Variants in FER observed in about 807,000 individuals in gnomAD.
FER encodes the protein tyrosine-protein kinase Fer.
In FER, 63 loss-of-function variants were observed where a neutral mutation model predicts 111.0. That is an observed-to-expected ratio of 0.57 (90% CI 0.46 to 0.70). The LOEUF is 0.70. Ranked by LOEUF, FER falls within the 30% of genes least tolerant of loss-of-function variation. The pLI is 0.00. For synonymous variants in FER, 327 were observed against 313.9 expected (o/e 1.04, Z -0.44); for missense variants, 914 against 954.0 (o/e 0.96, Z 0.55).
intron 2 of FER, among the ~76,000 whole-genome samples, chr5:108,787,748 G>T (rs1418076862): frequency 6.6e-6 from 1 of 152,208 alleles, no homozygotes. Flanking sequence ...GGGACAACCT[G>T]CCTGTGGAAA....
At chr5:108,906,291 CT>C (rs1299759759) in intron 10 of FER, among the ~76,000 whole-genome samples, 3 of 152,024 alleles carry the variant, frequency 2.0e-5, no homozygotes, top group African/African-American at 4.8e-5. Flanking sequence ...TTTTGCTGGT[CT>C]TTTTTTCCCT....
chr5:108,970,278 C>T (rs1760461965), intron 13 of FER, among the ~76,000 whole-genome samples: 2 of 151,638 alleles, frequency 1.3e-5, no homozygotes, highest in Admixed American at 6.6e-5. Context: ...TGCAGTGGCG[C>T]AATCTTGGCT....
chr5:109,026,688 T>C (rs1472231038), intron 13 of FER, among the ~76,000 whole-genome samples: 2 of 152,110 alleles, frequency 1.3e-5, no homozygotes, highest in South Asian at 2.1e-4. Flanking sequence ...TTTTGTTAAT[T>C]ATTCTTTCTT....
chr5:109,181,223 C>T (rs986649238), intron 18 of FER, among the ~76,000 whole-genome samples: 1 of 152,020 alleles, frequency 6.6e-6, no homozygotes, highest in African/African-American at 2.4e-5. Context: ...CCATTTCTTT[C>T]GAATGTCTTA....
intron 5 of FER, among the ~76,000 whole-genome samples, chr5:108,847,479 T>A (rs1762135672): frequency 6.6e-6 from 1 of 152,190 alleles, no homozygotes; most frequent in South Asian, 2.1e-4. Flanking sequence ...ATGTGTATTA[T>A]GCTATTGTTC....
At chr5:108,867,656 A>T in intron 5 of FER, 111 bp from the exon 6 acceptor site, 3 of 1,119,524 alleles carry the variant, frequency 2.7e-6, no homozygotes, top group Non-Finnish European at 3.8e-6. Flanking sequence ...TTTTTTGTTT[A>T]AAAAATGCGT....
rs924578009 is a variant in FER at position 108,838,030 on chromosome 5, C to T, written c.481+2223C>T. Among the ~76,000 whole-genome samples, 4 of 152,230 alleles carry T rather than the reference C, an allele frequency of 2.6e-5. No individual in the cohort carries two copies. In the East Asian group the frequency reaches 5.8e-4, roughly 22 times the overall value. On this transcript the variant is annotated intron_variant, in intron 5 of 19. Coordinates refer to ENST00000281092, the MANE Select transcript of FER (RefSeq NM_005246.4). The stretch of plus-strand genomic sequence containing the variant: ...TAAGTACTTTTATATATCCACTTCA[C>T]ACATGAGAGATAGGTAAACTTTTCT...
At chr5:109,186,445 T>C in intron 19 of FER, 123 bp downstream of exon 19, 1 of 1,427,908 alleles carries the variant, frequency 7.0e-7, no homozygotes, top group Non-Finnish European at 9.6e-7. Context: ...AGACCATCTC[T>C]GGGGTTCAGA....
chr5:108,991,797 A>G (rs557294355), intron 13 of FER, among the ~76,000 whole-genome samples: 1 of 152,078 alleles, frequency 6.6e-6, no homozygotes, highest in East Asian at 1.9e-4. Flanking sequence ...ACAGAAATAT[A>G]TTAAATTATT....
intron 17 of FER, among the ~76,000 whole-genome samples, chr5:109,172,771 A>G (rs572433460): frequency 2.2e-3 from 340 of 152,262 alleles, no homozygotes; most frequent in Non-Finnish European, 3.9e-3. Flanking sequence ...TTAACAATAG[A>G]TCAATATTTA....
chr5:109,029,334 T>C (rs2149854970), intron 13 of FER, among the ~76,000 whole-genome samples: 1 of 150,568 alleles, frequency 6.6e-6, no homozygotes, highest in Non-Finnish European at 1.5e-5. Context: ...GCCATGCTGG[T>C]GTGCTGCACC....
chr5:108,868,225 A>G (rs1764264104), intron 6 of FER, among the ~76,000 whole-genome samples: 1 of 152,060 alleles, frequency 6.6e-6, no homozygotes, highest in African/African-American at 2.4e-5. Context: ...TAAGTTGAAA[A>G]GTGTTAGGAA....
intron 2 of FER, chr5:108,782,740 A>G (rs1434187564): frequency 6.6e-6 from 1 of 152,096 alleles, no homozygotes; most frequent in Non-Finnish European, 1.5e-5. Flanking sequence ...GGCCTCTCAG[A>G]GTGCTGGGAT....
At chr5:109,064,219 A>C (rs1263469294) in intron 16 of FER, among the ~76,000 whole-genome samples, 1 of 152,108 alleles carries the variant, frequency 6.6e-6, no homozygotes, top group African/African-American at 2.4e-5. Flanking sequence ...ACTTTATTTA[A>C]TTTACATGTG....
At chr5:108,849,942 A>G (rs57135232) in intron 5 of FER, among the ~76,000 whole-genome samples, 3,234 of 152,280 alleles carry the variant, frequency 0.021, 107 homozygotes, top group African/African-American at 0.074. Flanking sequence ...CTGTAATCCC[A>G]GCACTTTGGG....
chr5:108,769,180 A>G (rs1752633798), intron 2 of FER, among the ~76,000 whole-genome samples: 1 of 152,126 alleles, frequency 6.6e-6, no homozygotes, highest in Admixed American at 6.6e-5. Flanking sequence ...GGAGTTGAGG[A>G]GGTGGAATCT....
At chr5:109,151,216 A>G (rs1002336238) in intron 17 of FER, among the ~76,000 whole-genome samples, 5 of 152,124 alleles carry the variant, frequency 3.3e-5, no homozygotes, top group Admixed American at 3.3e-4. Flanking sequence ...ATTAGAGGTA[A>G]TATTTTTCTA....
chr5:109,107,745 G>A (rs1183338816), intron 17 of FER, among the ~76,000 whole-genome samples: 1 of 152,078 alleles, frequency 6.6e-6, no homozygotes, highest in Non-Finnish European at 1.5e-5. Flanking sequence ...CTTTCCCTGT[G>A]TGTTCATTTG....
intron 13 of FER, 91 bp downstream of exon 13, chr5:108,959,438 A>G: frequency 1.5e-6 from 2 of 1,305,896 alleles, no homozygotes; most frequent in East Asian, 2.5e-5. Context: ...CTTAGGTTAT[A>G]TGCTAGTAGT....
Sources: allele counts gnomAD v4.1 joint callset (sites outside exome capture counted in the v4.1 genomes callset), GRCh38; gene constraint gnomAD v4.1.1; transcripts MANE v1.5; gene names NCBI Gene and HGNC (gene_info 2026-07-23, HGNC 2026-07-21).